TMEM117: variants seen among roughly 807,000 people sequenced by gnomAD.
The protein encoded by TMEM117 is transmembrane protein 117.
In TMEM117, 27 loss-of-function variants were observed where a neutral mutation model predicts 52.4. The observed-to-expected ratio is 0.51, with a 90% CI of 0.38 to 0.71. TMEM117 has a LOEUF of 0.71. Among genes scored for constraint, TMEM117 ranks in the 30% least tolerant of loss-of-function variants. TMEM117 has a pLI of 0.00. For synonymous variants in TMEM117, 215 were observed against 206.3 expected (o/e 1.04, Z -0.36); for missense variants, 556 against 630.5 (o/e 0.88, Z 1.26).
chr12:43,890,112 T>G (rs1944075793), intron 2 of TMEM117, among the ~76,000 whole-genome samples: 1 of 152,136 alleles, frequency 6.6e-6, no homozygotes, highest in African/African-American at 2.4e-5. Flanking sequence ...ATTTGGGAAG[T>G]GCCACCCAGT....
chr12:43,966,679 C>A (rs972111009), intron 3 of TMEM117, among the ~76,000 whole-genome samples: 2 of 152,132 alleles, frequency 1.3e-5, no homozygotes, highest in South Asian at 4.1e-4. Context: ...GATAAAAGCT[C>A]TTTTCCAGGA....
At chr12:43,907,216 GC>G (rs1394086077) in intron 2 of TMEM117, among the ~76,000 whole-genome samples, 1 of 152,120 alleles carries the variant, frequency 6.6e-6, no homozygotes, top group Non-Finnish European at 1.5e-5. Context: ...TAACTGGGAG[GC>G]ACCCCCCGGC....
chr12:44,298,815 G>C (rs976662443), intron 5 of TMEM117, among the ~76,000 whole-genome samples: 2 of 150,718 alleles, frequency 1.3e-5, no homozygotes, highest in Non-Finnish European at 2.9e-5. Context: ...TTTAGAGGTG[G>C]TCCCTGTATG....
chr12:44,372,563 C>A (rs1006956181), intron 6 of TMEM117, among the ~76,000 whole-genome samples: 1 of 138,214 alleles, frequency 7.2e-6, no homozygotes. Context: ...TGTTTACATC[C>A]GGATAGTATG....
At chr12:43,932,522 T>G (rs1192766993) in intron 2 of TMEM117, among the ~76,000 whole-genome samples, 1 of 152,172 alleles carries the variant, frequency 6.6e-6, no homozygotes, top group African/African-American at 2.4e-5. Context: ...AAATAATGAT[T>G]GATAGATTTG....
intron 3 of TMEM117, among the ~76,000 whole-genome samples, chr12:44,026,361 C>A (rs1372260537): frequency 2.0e-5 from 3 of 152,142 alleles, no homozygotes; most frequent in Non-Finnish European, 4.4e-5. Context: ...AACCTGGGGA[C>A]CCACTTCAAG....
At chr12:44,041,292 T>C (rs915833457) in intron 3 of TMEM117, among the ~76,000 whole-genome samples, 6 of 140,028 alleles carry the variant, frequency 4.3e-5, no homozygotes, top group African/African-American at 1.3e-4. Context: ...CCCCTTCCTT[T>C]GTCCATGTGT....
At chr12:44,296,705 G>A (rs1277933726) in intron 5 of TMEM117, among the ~76,000 whole-genome samples, 1 of 152,216 alleles carries the variant, frequency 6.6e-6, no homozygotes, top group African/African-American at 2.4e-5. Flanking sequence ...TGTGTGGGAA[G>A]AAATGCTGTC....
At chr12:44,106,623 A>G (rs1394539543) in intron 3 of TMEM117, among the ~76,000 whole-genome samples, 2 of 152,040 alleles carry the variant, frequency 1.3e-5, no homozygotes, top group Non-Finnish European at 2.9e-5. Context: ...ATCACTTTGT[A>G]CTCCATAAAT....
intron 2 of TMEM117, among the ~76,000 whole-genome samples, chr12:43,901,017 C>T (rs1005073720): frequency 6.6e-6 from 1 of 152,124 alleles, no homozygotes; most frequent in Non-Finnish European, 1.5e-5. Flanking sequence ...TTGAATCAAC[C>T]TTCATTGCTT....
intron 6 of TMEM117, among the ~76,000 whole-genome samples, chr12:44,300,897 A>C (rs1216976551): frequency 6.6e-6 from 1 of 152,234 alleles, no homozygotes. Flanking sequence ...CCTGTCACTA[A>C]GCTGTAGGAC....
chr12:43,996,598 A>G (rs565935860), intron 3 of TMEM117, among the ~76,000 whole-genome samples: 1 of 151,874 alleles, frequency 6.6e-6, no homozygotes, highest in Non-Finnish European at 1.5e-5. Context: ...AGCTGAGATC[A>G]CGCCACTGCA....
At chr12:43,875,741 C>T (rs943615273) in intron 2 of TMEM117, among the ~76,000 whole-genome samples, 9 of 152,114 alleles carry the variant, frequency 5.9e-5, no homozygotes, top group African/African-American at 9.7e-5. Context: ...GGAAGAATGA[C>T]AAATTATCAC....
chr12:44,375,924 G>A (rs1419859974), intron 6 of TMEM117, among the ~76,000 whole-genome samples: 2 of 152,186 alleles, frequency 1.3e-5, no homozygotes, highest in Non-Finnish European at 2.9e-5. Flanking sequence ...CAGAGAAGGA[G>A]GGTTGGCCCA....
chr12:44,317,087 C>T (rs1951065410), intron 6 of TMEM117, among the ~76,000 whole-genome samples: 1 of 141,434 alleles, frequency 7.1e-6, no homozygotes, highest in Non-Finnish European at 1.5e-5. Context: ...CTTAATCCGT[C>T]ATTTCTGAGT....
intron 3 of TMEM117, among the ~76,000 whole-genome samples, chr12:44,095,789 C>T (rs943651700): frequency 1.3e-5 from 2 of 152,118 alleles, no homozygotes; most frequent in Admixed American, 6.6e-5. Flanking sequence ...TGGAAGCATT[C>T]CCTTTGAAAA....
At chr12:44,184,237 T>C (rs1363656886) in intron 4 of TMEM117, among the ~76,000 whole-genome samples, 1 of 152,038 alleles carries the variant, frequency 6.6e-6, no homozygotes, top group Non-Finnish European at 1.5e-5. Flanking sequence ...TCCCAGCTAC[T>C]TGGGAAGCTG....
intron 6 of TMEM117, among the ~76,000 whole-genome samples, chr12:44,309,651 T>C (rs1413487663): frequency 6.6e-6 from 1 of 152,086 alleles, no homozygotes; most frequent in African/African-American, 2.4e-5. Context: ...CTTTATTTCA[T>C]TTAATCTTAC....
intron 2 of TMEM117, among the ~76,000 whole-genome samples, chr12:43,864,140 C>G (rs1394047022): frequency 1.3e-5 from 2 of 152,176 alleles, no homozygotes; most frequent in Admixed American, 1.3e-4. Context: ...GGGGGCAGGG[C>G]TCAGGACCTG....
Sources: gnomAD v4.1 joint callset for allele counts (sites outside exome capture counted in the v4.1 genomes callset) on GRCh38, gnomAD v4.1.1 for gene constraint, MANE v1.5 for transcripts, NCBI Gene and HGNC (gene_info 2026-07-23, HGNC 2026-07-21) for gene names.